RGS6: variants seen among roughly 807,000 people sequenced by gnomAD.
The protein encoded by RGS6 is regulator of G-protein signaling 6.
A neutral mutation model predicts 78.5 loss-of-function variants in RGS6; 30 were observed. The ratio of observed to expected loss-of-function variants is 0.38; its 90% CI spans 0.29 to 0.52. The LOEUF (loss-of-function observed/expected upper bound fraction) is 0.52, where lower values mean the gene tolerates loss of function less well. RGS6 is among the 20% of genes least tolerant of loss of function. The pLI, the probability that RGS6 is intolerant of heterozygous loss-of-function variation, is 0.85. For missense variants in RGS6, 495 were observed against 609.7 expected, an observed-to-expected ratio of 0.81 and a Z score of 1.98; for synonymous variants, 206 against 206.0, an observed-to-expected ratio of 1.00 and a Z score of 0.00.
chr14:72,538,652 A>C (rs2153504861), intron 16 of RGS6, among the ~76,000 whole-genome samples: 1 of 152,388 alleles, frequency 6.6e-6, no homozygotes, highest in South Asian at 2.1e-4. Context: ...CAGGCTGGCC[A>C]CAGGGTTCAA....
chr14:72,083,555 G>T (rs2153479352), intron 2 of RGS6, among the ~76,000 whole-genome samples: 1 of 152,298 alleles, frequency 6.6e-6, no homozygotes, highest in African/African-American at 2.4e-5. Context: ...ATGTTGTGTA[G>T]CCCACTGGGA....
At chr14:72,118,869 A>G (rs1006255964) in intron 2 of RGS6, among the ~76,000 whole-genome samples, 1 of 152,242 alleles carries the variant, frequency 6.6e-6, no homozygotes, top group Non-Finnish European at 1.5e-5. Context: ...AGAGTTATTT[A>G]TCTGAGAGAA....
intron 3 of RGS6, among the ~76,000 whole-genome samples, chr14:72,408,206 A>G (rs2153038595): frequency 1.3e-5 from 2 of 152,366 alleles, no homozygotes; most frequent in Middle Eastern, 6.8e-3. Context: ...ACTTGCACTC[A>G]GCAGTTTTAG....
At chr14:72,088,029 C>G (rs1297865126) in intron 2 of RGS6, among the ~76,000 whole-genome samples, 2 of 152,092 alleles carry the variant, frequency 1.3e-5, no homozygotes, top group African/African-American at 4.8e-5. Flanking sequence ...CAGATAGAGA[C>G]CACTGTGGAG....
In RGS6 at chr14:72,478,718, G is replaced by T. The variant is rs2096298010; in HGVS notation, c.854+389G>T. 1.3e-5 allele frequency among the ~76,000 whole-genome samples: 2 copies of T among 152,186 alleles called. 1 individual carries two copies. The highest frequency in any genetic ancestry group is 4.1e-4 in the South Asian group (2 of 4,830). Reference sequence around the variant, plus strand: ...AAAGAAATTATGTGTGTCCTTTGAGGTGCTGGCTGCATAGACAGGAGGGGA... The same window carrying T: ...AAAGAAATTATGTGTGTCCTTTGAGTTGCTGGCTGCATAGACAGGAGGGGA... On this transcript the variant is annotated intron_variant, in intron 12 of 17. Transcript: ENST00000553525.
chr14:72,245,744 T>C (rs912942599), intron 2 of RGS6, among the ~76,000 whole-genome samples: 2 of 152,172 alleles, frequency 1.3e-5, no homozygotes. Context: ...GGGGGCTTGC[T>C]CCCAACAGAC....
the RGS6 span, among the ~76,000 whole-genome samples, chr14:71,902,133 A>C: frequency 6.6e-6 from 1 of 152,156 alleles, no homozygotes; most frequent in African/African-American, 2.4e-5. Flanking sequence ...CTGAAAACCA[A>C]CCTGCTTCAG....
chr14:72,037,119 C>G (rs1356746193), intron 2 of RGS6, among the ~76,000 whole-genome samples: 1 of 152,070 alleles, frequency 6.6e-6, no homozygotes. Context: ...TCTGTAAAAA[C>G]GTACCAATCA....
intron 2 of RGS6, among the ~76,000 whole-genome samples, chr14:72,196,656 T>C (rs868056805): frequency 6.6e-6 from 1 of 152,208 alleles, no homozygotes; most frequent in African/African-American, 2.4e-5. Flanking sequence ...TCTGGTGGTG[T>C]TTTGCAAAAA....
At chr14:71,891,249 G>A in the RGS6 span, among the ~76,000 whole-genome samples, 1 of 152,214 alleles carries the variant, frequency 6.6e-6, no homozygotes, top group African/African-American at 2.4e-5. Flanking sequence ...CCAGGAATTT[G>A]GGAAGGGCTC....
intron 2 of RGS6, among the ~76,000 whole-genome samples, chr14:72,043,882 C>T (rs1043246443): frequency 6.6e-6 from 1 of 152,160 alleles, no homozygotes; most frequent in African/African-American, 2.4e-5. Flanking sequence ...AATTATTCCA[C>T]AGTTCTTGGA....
At chr14:72,399,833 A>G (rs1255569906) in intron 3 of RGS6, among the ~76,000 whole-genome samples, 3 of 152,296 alleles carry the variant, frequency 2.0e-5, no homozygotes, top group Admixed American at 6.5e-5. Flanking sequence ...AGAGAAGTTT[A>G]GAGAAAAAAG....
At chr14:72,429,869 C>T (rs748162363) in intron 3 of RGS6, among the ~76,000 whole-genome samples, 7 of 152,140 alleles carry the variant, frequency 4.6e-5, no homozygotes, top group Non-Finnish European at 1.0e-4. Context: ...CCATGCTGTT[C>T]TCATGATAGT....
intron 2 of RGS6, among the ~76,000 whole-genome samples, chr14:72,065,733 T>C (rs1238587533): frequency 1.3e-5 from 2 of 152,190 alleles, no homozygotes; most frequent in Non-Finnish European, 2.9e-5. Context: ...GTACATGAAT[T>C]GGCTTTTGAA....
chr14:72,298,893 G>A (rs1182375453), intron 2 of RGS6, among the ~76,000 whole-genome samples: 1 of 152,172 alleles, frequency 6.6e-6, no homozygotes, highest in Non-Finnish European at 1.5e-5. Context: ...ATTTGCCAGG[G>A]AACCTCTCCA....
intron 7 of RGS6, among the ~76,000 whole-genome samples, chr14:72,466,545 C>G (rs2095918325): frequency 6.6e-6 from 1 of 152,222 alleles, no homozygotes; most frequent in Non-Finnish European, 1.5e-5. Context: ...TAGAATACTA[C>G]TATGCAGTAA....
chr14:72,305,678 C>CA (rs2067077362), intron 2 of RGS6, among the ~76,000 whole-genome samples: 1 of 152,192 alleles, frequency 6.6e-6, no homozygotes, highest in Non-Finnish European at 1.5e-5. Flanking sequence ...GGCCATTGCA[C>CA]ATCTCTCTCC....
At chr14:72,526,058 A>T (rs950786625) in intron 15 of RGS6, among the ~76,000 whole-genome samples, 3 of 151,968 alleles carry the variant, frequency 2.0e-5, no homozygotes, top group African/African-American at 4.8e-5. Flanking sequence ...TAGATTCCTT[A>T]TACCAAACCC....
At chr14:72,483,681 C>T (rs1278257140) in intron 12 of RGS6, among the ~76,000 whole-genome samples, 2 of 151,910 alleles carry the variant, frequency 1.3e-5, no homozygotes, top group Admixed American at 6.6e-5. Flanking sequence ...GGGGTCTTTG[C>T]TCCTCCTTTC....
Sources: allele counts gnomAD v4.1 joint callset (sites outside exome capture counted in the v4.1 genomes callset), GRCh38; gene constraint gnomAD v4.1.1; transcripts MANE v1.5; gene names NCBI Gene and HGNC (gene_info 2026-07-23, HGNC 2026-07-21).